The following SDK1 variants were observed in gnomAD, a reference collection of about 807,000 sequenced individuals.
The protein encoded by SDK1 is sidekick cell adhesion molecule 1, also known as protein sidekick-1.
SDK1 carries 157 observed loss-of-function variants against 245.5 expected under a neutral mutation model. The observed-to-expected ratio is 0.64, with a 90% CI of 0.56 to 0.73. SDK1 has a LOEUF of 0.73. Ranked by LOEUF, SDK1 falls within the 30% of genes least tolerant of loss-of-function variation. The pLI, the probability that SDK1 is intolerant of heterozygous loss-of-function variation, is 0.00. For synonymous variants in SDK1, 1,647 were observed against 1,278.5 expected, an observed-to-expected ratio of 1.29 and a Z score of -6.15; for missense variants, 3,583 against 3,002.3, an observed-to-expected ratio of 1.19 and a Z score of -4.52.
intron 1 of SDK1, among the ~76,000 whole-genome samples, chr7:3,492,038 T>C (rs1213228727): frequency 6.6e-6 from 1 of 152,234 alleles, no homozygotes; most frequent in Admixed American, 6.5e-5. Context: ...TGTTGGTTTC[T>C]GAATACAACT....
chr7:3,481,594 C>T lies in SDK1; in HGVS notation c.299-137486C>T, dbSNP rs373338784. Among the ~76,000 whole-genome samples, 16 of 152,312 alleles carry T rather than the reference C, an allele frequency of 1.1e-4. No homozygotes were observed. In the South Asian group the frequency reaches 3.3e-3, roughly 32 times the overall value. On this transcript the variant is annotated intron_variant, in intron 1 of 44. Coordinates refer to ENST00000404826, the MANE Select transcript of SDK1 (RefSeq NM_152744.4). Reference sequence around the variant, plus strand: ...TATTTATTCTGACCCTTGAACCACCCTTCCTTCCCACATACAAGCCCTTCC... The same window carrying T: ...TATTTATTCTGACCCTTGAACCACCTTTCCTTCCCACATACAAGCCCTTCC...
intron 14 of SDK1, among the ~76,000 whole-genome samples, chr7:4,000,114 G>A (rs1231761897): frequency 6.6e-6 from 1 of 152,226 alleles, no homozygotes; most frequent in African/African-American, 2.4e-5. Context: ...TGCTGATGGG[G>A]TTTCCCTGGG....
chr7:3,428,557 A>T (rs1215555309), intron 1 of SDK1, among the ~76,000 whole-genome samples: 1 of 152,208 alleles, frequency 6.6e-6, no homozygotes, highest in Non-Finnish European at 1.5e-5. Flanking sequence ...ATACTCATGG[A>T]GTTCAAATAC....
intron 4 of SDK1, among the ~76,000 whole-genome samples, chr7:3,720,864 A>C (rs941398101): frequency 1.3e-5 from 2 of 152,234 alleles, no homozygotes; most frequent in South Asian, 2.1e-4. Flanking sequence ...GCAATAGACA[A>C]ATATTTAAAA....
chr7:4,044,183 T>C (rs1388864308), intron 17 of SDK1, among the ~76,000 whole-genome samples: 1 of 152,200 alleles, frequency 6.6e-6, no homozygotes, highest in South Asian at 2.1e-4. Context: ...CGTGCACACG[T>C]TGGCGCCATG....
chr7:3,866,990 C>T (rs1409440848), intron 5 of SDK1, among the ~76,000 whole-genome samples: 2 of 152,172 alleles, frequency 1.3e-5, no homozygotes, highest in African/African-American at 4.8e-5. Context: ...ATCCTCTGTC[C>T]TTCTGGCAGG....
intron 44 of SDK1, among the ~76,000 whole-genome samples, chr7:4,261,787 C>G (rs1445174377): frequency 6.6e-6 from 1 of 151,920 alleles, no homozygotes; most frequent in Non-Finnish European, 1.5e-5. Context: ...TCTGCCTGAC[C>G]CCTGTGAGAG....
intron 1 of SDK1, among the ~76,000 whole-genome samples, chr7:3,579,270 A>G (rs1562577014): frequency 6.6e-6 from 1 of 152,198 alleles, no homozygotes; most frequent in East Asian, 1.9e-4. Flanking sequence ...ACGTTGATGG[A>G]AATATCTGCA....
At chr7:3,731,554 G>A (rs772606036) in intron 4 of SDK1, among the ~76,000 whole-genome samples, 12 of 152,150 alleles carry the variant, frequency 7.9e-5, no homozygotes, top group Non-Finnish European at 1.6e-4. Flanking sequence ...GTCTTAATCT[G>A]TTTTGTGGTT....
chr7:3,474,245 G>A (rs953084221), intron 1 of SDK1, among the ~76,000 whole-genome samples: 7 of 149,488 alleles, frequency 4.7e-5, no homozygotes, highest in South Asian at 2.3e-4. Flanking sequence ...GGTGGCGTGC[G>A]CCACCACGAC....
At chr7:3,796,182 G>A (rs570576441) in intron 4 of SDK1, among the ~76,000 whole-genome samples, 1 of 152,278 alleles carries the variant, frequency 6.6e-6, no homozygotes, top group South Asian at 2.1e-4. Context: ...AAAATGAAAG[G>A]GAGAATTGAA....
chr7:3,958,089 A>G (rs1781406699), intron 7 of SDK1: 1 of 449,774 alleles, frequency 2.2e-6, no homozygotes, highest in Non-Finnish European at 4.5e-6. Flanking sequence ...ATGCCAAGCT[A>G]TCTTATCCAC....
intron 1 of SDK1, among the ~76,000 whole-genome samples, chr7:3,493,231 G>A (rs534212074): frequency 7.2e-5 from 11 of 151,930 alleles, no homozygotes; most frequent in African/African-American, 1.5e-4. Context: ...GATTACAGGC[G>A]TCAACCACCA....
intron 22 of SDK1, among the ~76,000 whole-genome samples, chr7:4,102,508 C>G (rs1409556063): frequency 6.6e-6 from 1 of 152,196 alleles, no homozygotes; most frequent in Non-Finnish European, 1.5e-5. Context: ...CACGTCCCTC[C>G]TCCCTTCCCC....
intron 4 of SDK1, among the ~76,000 whole-genome samples, chr7:3,806,453 A>C (rs552206366): frequency 6.6e-6 from 1 of 152,336 alleles, no homozygotes; most frequent in East Asian, 1.9e-4. Flanking sequence ...CAGACGGCTA[A>C]AGAGTTGGGC....
At chr7:3,679,996 GATTT>G (rs1562365937) in intron 4 of SDK1, among the ~76,000 whole-genome samples, 1 of 114,752 alleles carries the variant, frequency 8.7e-6, no homozygotes, top group East Asian at 2.5e-4. Context: ...AAATTTTAGA[GATTT>G]ATTTGAGATT....
chr7:4,111,936 C>T (rs746622978), intron 23 of SDK1, among the ~76,000 whole-genome samples: 3 of 152,156 alleles, frequency 2.0e-5, no homozygotes, highest in Non-Finnish European at 2.9e-5. Flanking sequence ...GTTAAGGAAA[C>T]GGAGATCATC....
intron 4 of SDK1, among the ~76,000 whole-genome samples, chr7:3,644,414 G>C (rs1242845692): frequency 6.6e-6 from 1 of 151,360 alleles, no homozygotes; most frequent in Non-Finnish European, 1.5e-5. Context: ...CTCGAGTTTC[G>C]ATGAAACAAA....
intron 1 of SDK1, among the ~76,000 whole-genome samples, chr7:3,586,233 C>T (rs905712000): frequency 2.0e-5 from 3 of 151,980 alleles, no homozygotes; most frequent in East Asian, 1.9e-4. Flanking sequence ...GGATTTAAGT[C>T]ATACAAAATG....
Sources: gnomAD v4.1 joint callset for allele counts (sites outside exome capture counted in the v4.1 genomes callset) on GRCh38, gnomAD v4.1.1 for gene constraint, MANE v1.5 for transcripts, NCBI Gene and HGNC (gene_info 2026-07-23, HGNC 2026-07-21) for gene names.